BTNL3: variants seen among roughly 807,000 people sequenced by gnomAD.
BTNL3 encodes the protein butyrophilin-like protein 3.
BTNL3 carries 20 observed loss-of-function variants against 40.1 expected under a neutral mutation model. The ratio of observed to expected loss-of-function variants is 0.50; its 90% CI spans 0.35 to 0.72. BTNL3 has a LOEUF of 0.72. Among genes scored for constraint, BTNL3 ranks in the 30% least tolerant of loss-of-function variants. BTNL3 has a pLI of 0.01. For missense variants in BTNL3, 449 were observed against 582.2 expected, an observed-to-expected ratio of 0.77 and a Z score of 2.35; for synonymous variants, 179 against 222.1, an observed-to-expected ratio of 0.81 and a Z score of 1.73.
rs549703858 is a variant in BTNL3 at position 180,994,850 on chromosome 5, A to G, written c.397+1690A>G. Among the ~76,000 whole-genome samples the G allele has an allele frequency of 3.0e-5, 4 of 133,382 alleles. 2 individuals are homozygous for G. The East Asian group carries it at 8.7e-4, about 29-fold the overall frequency. The allele number at this position is 133,382 out of a possible 152,430, so 87.5% of individuals were successfully genotyped here. ...CAGGCTGGATAGAGTGCAGTGGTGCAATCTCGCTCACTGCAAGCTCTGCCT... is the reference window on the plus strand; with the variant it reads ...CAGGCTGGATAGAGTGCAGTGGTGCGATCTCGCTCACTGCAAGCTCTGCCT... On this transcript the variant is annotated intron_variant, in intron 2 of 7. Coordinates refer to ENST00000342868, the MANE Select transcript of BTNL3 (RefSeq NM_197975.3).
rs1391432493 is a variant in BTNL3, at chr5:180,997,197, C to G, written c.398-16C>G. On this transcript the variant is annotated splice_polypyrimidine_tract_variant and intron_variant, in intron 2 of 7. Transcript: ENST00000342868. ...AATTTGGTCTTTGCTTTCATCTTTC[C>G]CTGTTTTCTTCCCAGCACTGGGCTC... The G allele has an allele frequency of 6.8e-6, 10 of 1,463,368 alleles. 2 individuals carry two copies. In the South Asian group the frequency reaches 1.0e-4, roughly 15 times the overall value. 90.6% of individuals were successfully genotyped at this position (1,463,368 alleles called of 1,614,324 possible). A position where few individuals can be genotyped will look rare whatever the true frequency, so the allele number is the denominator to read the frequency against.
intron 1 of BTNL3, among the ~76,000 whole-genome samples, chr5:180,989,579 AG>A (rs1198995967): frequency 7.3e-6 from 1 of 136,598 alleles, no homozygotes; most frequent in East Asian, 2.2e-4. Context: ...TTAAGTGAGG[AG>A]TAAGTTGGAA....
In BTNL3 at chr5:180,993,468, T is replaced by TTTC. The variant is rs545032078; in HGVS notation, c.397+314_397+316dup. 1.5e-5 allele frequency among the ~76,000 whole-genome samples: 2 copies of TTTC among 136,844 alleles called. 1 individual carries two copies. The highest frequency in any genetic ancestry group is 4.3e-4 in the East Asian group (2 of 4,646). 89.8% of individuals were successfully genotyped at this position (136,844 alleles called of 152,430 possible). ...CCTGTCATATTTCAATTTCTTTTATTTTCTTCTTTTTTCTTGACTTCTTGT... is the reference window on the plus strand; with the variant it reads ...CCTGTCATATTTCAATTTCTTTTATTTTCTTCTTCTTTTTTCTTGACTTCTTGT... On this transcript the variant is annotated intron_variant, in intron 2 of 7. Transcript: ENST00000342868.
At chr5:181,004,609 G>A in intron 6 of BTNL3, 127 bp from the exon 7 acceptor site, 1 of 1,606,208 alleles carries the variant, frequency 6.2e-7, no homozygotes, top group Non-Finnish European at 8.5e-7. Flanking sequence ...AAGCCCCATA[G>A]CCTTCTTCAG....
Position 180,988,879 on chromosome 5 carries a change from G to A in BTNL3, c.-150G>A. The A allele has an allele frequency of 3.2e-6, 3 of 924,538 alleles. No individual in the cohort carries two copies. The highest frequency in any genetic ancestry group is 4.8e-6 in the Non-Finnish European group (3 of 625,824). 57.3% of individuals were successfully genotyped at this position (924,538 alleles called of 1,614,324 possible). ...CATTCATACAGCCATGTTTAGGGAG[G>A]CTCTAGGGAGAAATGCACAGTTTGA... On this transcript the variant is annotated 5_prime_UTR_variant, in exon 1 of 8. Coordinates refer to ENST00000342868, the MANE Select transcript of BTNL3 (RefSeq NM_197975.3).
In BTNL3 at chr5:181,002,561, G is replaced by T. The variant is rs1760141918; in HGVS notation, c.674-111G>T. On this transcript the variant is annotated intron_variant, in intron 3 of 7. Transcript: ENST00000342868. ...AATGCAAAGCTTTAAATCTGTGGAA[G>T]AAATGAGAGAAAAATGTTTTCATCT... is the stretch of plus-strand genomic sequence containing the variant. The T allele has an allele frequency of 1.0e-5, 10 of 988,590 alleles. 1 individual carries two copies. In the East Asian group the frequency reaches 3.7e-4, roughly 36 times the overall value. The allele number at this position is 988,590 out of a possible 1,614,324, so 61.2% of individuals were successfully genotyped here.
At chr5:181,002,089 T>G (rs1760121272) in intron 3 of BTNL3, among the ~76,000 whole-genome samples, 1 of 133,802 alleles carries the variant, frequency 7.5e-6, no homozygotes. Context: ...GCTAAGAAGC[T>G]TAGTCTTATC....
At position 181,005,930 on chromosome 5, in the gene BTNL3, A is replaced by G. The variant is rs964254175; in HGVS notation, c.*58A>G. On this transcript the variant is annotated 3_prime_UTR_variant, in exon 8 of 8. Transcript: ENST00000342868. ...CCACAGACCCAGACACAGCCAAGGG[A>G]GAGTGCTCCCGACAGGTGGCCCCAG... 2 of 1,498,554 alleles carry G rather than the reference A, an allele frequency of 1.3e-6. No homozygotes were observed. Among genetic ancestry groups the G allele is most frequent in the Non-Finnish European group, 1.8e-6 (2 of 1,123,270 alleles). 92.8% of individuals were successfully genotyped at this position (1,498,554 alleles called of 1,614,324 possible). A position where few individuals can be genotyped will look rare whatever the true frequency, so the allele number is the denominator to read the frequency against.
rs756709540 is a variant in BTNL3 at position 181,005,509 on chromosome 5, C to A, written c.1038C>A (p.Asp346Glu). ...FQAGKHYWEV[D>E]VGQNVGWYVG... ...CAGGGAAACATTACTGGGAGGTGGA[C>A]GTGGGACAAAATGTAGGGTGGTATG... is the stretch of plus-strand genomic sequence containing the variant. Residue 346 changes from aspartate (D) to glutamate (E), a missense_variant, in exon 8 of 8, where the codon GAC becomes GAA. Asp to Glu is a conservative substitution (Grantham distance 45, BLOSUM62 2). Around this residue, in one of 2 missense-constraint regions of BTNL3, gnomAD observed 323 missense variants for 464.9 expected, o/e 0.69. Coordinates refer to ENST00000342868, the MANE Select transcript of BTNL3 (RefSeq NM_197975.3). 1.2e-6 allele frequency: 2 copies of A among 1,613,960 alleles called. No individual in the cohort carries two copies. The highest frequency in any genetic ancestry group is 4.5e-5 in the East Asian group (2 of 44,866).
Position 180,992,872 on chromosome 5 carries a change from G to T in BTNL3, c.109G>T (p.Val37Leu). The T allele has an allele frequency of 6.8e-7, 1 of 1,463,070 alleles. No individual in the cohort carries two copies. The highest frequency in any genetic ancestry group is 1.8e-4 in the Middle Eastern group (1 of 5,674). 90.6% of individuals were successfully genotyped at this position (1,463,070 alleles called of 1,614,324 possible). Reference sequence around the variant, plus strand: ...CCAGGCCTTGGTGGGGGAGGACGCCGTGTTCTCCTGCTCCCTCTTTCCTGA... The same window carrying T: ...CCAGGCCTTGGTGGGGGAGGACGCCTTGTTCTCCTGCTCCCTCTTTCCTGA... The part of the protein sequence containing the change: ...FVQALVGEDA[V>L]FSCSLFPETS... The change falls in exon 2 of 8, where the codon GTG (valine) becomes TTG (leucine). Residue 37 changes from valine (V) to leucine (L), a missense_variant. Val to Leu is a conservative substitution (Grantham distance 32). Coordinates refer to ENST00000342868, the MANE Select transcript of BTNL3 (RefSeq NM_197975.3).
Position 181,005,560 on chromosome 5 carries a change from C to T in BTNL3, c.1089C>T (p.Asp363=). 6.2e-7 allele frequency: 1 copy of T among 1,613,954 alleles called. No individual in the cohort carries two copies. The highest frequency in any genetic ancestry group is 8.5e-7 in the Non-Finnish European group (1 of 1,179,982). ...WYVGVCRDDV[D]RGKNNVTLSP... is the part of the protein sequence containing the mutation. ...TGGGAGTGTGTCGGGATGACGTAGA[C>T]AGGGGGAAGAACAATGTGACTTTGT... The change falls in exon 8 of 8, where the codon GAC becomes GAT. Residue 363 remains aspartate (D), a synonymous_variant. Transcript: ENST00000342868.
Position 180,996,599 on chromosome 5 carries a change from A to G in BTNL3, c.398-614A>G, listed in dbSNP as rs1384323885. On this transcript the variant is annotated intron_variant, in intron 2 of 7. Transcript: ENST00000342868. ...TACTCTCTTATACATCATCTGGAAT[A>G]TAAATATTCATGAGTCCTTGAAATC... Among the ~76,000 whole-genome samples the G allele has an allele frequency of 2.2e-5, 3 of 136,764 alleles. 1 individual carries two copies. The highest frequency in any genetic ancestry group is 3.3e-5 in the Non-Finnish European group (2 of 59,752). 89.7% of individuals were successfully genotyped at this position (136,764 alleles called of 152,430 possible).
In BTNL3 at chr5:180,996,493, C is replaced by A. The variant is rs549852924; in HGVS notation, c.398-720C>A. On this transcript the variant is annotated intron_variant, in intron 2 of 7. Transcript: ENST00000342868. ...CTACAGTTCTTAAAGTGGCTGTGGG[C>A]AAGTCCACGTTGCTCAGGTCAGTGA... 4.4e-5 allele frequency among the ~76,000 whole-genome samples: 6 copies of A among 136,946 alleles called. 1 individual carries two copies. The highest frequency in any genetic ancestry group is 1.3e-4 in the African/African-American group (5 of 39,880). The allele number at this position is 136,946 out of a possible 152,430, so 89.8% of individuals were successfully genotyped here. A position where few individuals can be genotyped will look rare whatever the true frequency, so the allele number is the denominator to read the frequency against.
chr5:180,998,689 T>C (rs1331284356), intron 3 of BTNL3, among the ~76,000 whole-genome samples: 1 of 137,766 alleles, frequency 7.3e-6, no homozygotes, highest in East Asian at 2.1e-4. Flanking sequence ...TAAATTCTTA[T>C]GTGTTTGAAA....
Position 180,997,478 on chromosome 5 carries a change from A to G in BTNL3, c.663A>G (p.Val221=). The G allele has an allele frequency of 6.8e-7, 1 of 1,463,596 alleles. No individual in the cohort carries two copies. Among genetic ancestry groups the G allele is most frequent in the South Asian group, 1.1e-5 (1 of 89,268 alleles). The allele number at this position is 1,463,596 out of a possible 1,614,324, so 90.7% of individuals were successfully genotyped here. The change falls in exon 3 of 8, where the codon GTA becomes GTG. Residue 221 remains valine (V), a synonymous_variant. Transcript: ENST00000342868. ...AGAGTCATGAGGTGGAATCCAAGGTATTGATAGGAGGTGAGTGGGGAGAAG... is the reference window on the plus strand; with the variant it reads ...AGAGTCATGAGGTGGAATCCAAGGTGTTGATAGGAGGTGAGTGGGGAGAAG... ...AEQSHEVESK[V]LIGETFFQPS... is the part of the protein sequence containing the mutation.
At position 180,997,750 on chromosome 5, in the gene BTNL3, C is replaced by T. The variant is rs144623463; in HGVS notation, c.673+262C>T. Reference sequence around the variant, plus strand: ...ATGGTGCAACACTCACAACTCAACACGTAACAAAACTTAAGGAAATTAACT... The same window carrying T: ...ATGGTGCAACACTCACAACTCAACATGTAACAAAACTTAAGGAAATTAACT... On this transcript the variant is annotated intron_variant, in intron 3 of 7. Coordinates refer to ENST00000342868, the MANE Select transcript of BTNL3 (RefSeq NM_197975.3). Among the ~76,000 whole-genome samples, 215 of 137,374 alleles carry T rather than the reference C, an allele frequency of 1.6e-3. 41 individuals carry two copies. In the East Asian group the frequency reaches 0.043, roughly 27 times the overall value. 90.1% of individuals were successfully genotyped at this position (137,374 alleles called of 152,430 possible). A position where few individuals can be genotyped will look rare whatever the true frequency, so the allele number is the denominator to read the frequency against.
chr5:180,992,521 T>C (rs761730737), intron 1 of BTNL3, among the ~76,000 whole-genome samples: 1 of 136,650 alleles, frequency 7.3e-6, no homozygotes, highest in Non-Finnish European at 1.7e-5. Context: ...GGAAGGTGCC[T>C]CTCAGGCCCC....
rs183024921 is a variant in BTNL3 at position 181,000,807 on chromosome 5, C to T, written c.674-1865C>T. Among the ~76,000 whole-genome samples, 14 of 129,680 alleles carry T rather than the reference C, an allele frequency of 1.1e-4. 4 individuals are homozygous for T. The highest frequency in any genetic ancestry group is 7.4e-4 in the Admixed American group (9 of 12,088). The allele number at this position is 129,680 out of a possible 152,430, so 85.1% of individuals were successfully genotyped here. ...CGGCCTGGGCGACAGAGCGAGACTC[C>T]GTCTCAAAAAAAAATAAAATAAAAT... is the stretch of plus-strand genomic sequence containing the variant. On this transcript the variant is annotated intron_variant, in intron 3 of 7. Coordinates refer to ENST00000342868, the MANE Select transcript of BTNL3 (RefSeq NM_197975.3).
intron 1 of BTNL3, among the ~76,000 whole-genome samples, chr5:180,991,926 A>G (rs905324838): frequency 7.3e-6 from 1 of 137,426 alleles, no homozygotes; most frequent in Non-Finnish European, 1.7e-5. Context: ...AATGAATGAA[A>G]AAAAATCACA....
Sources: gnomAD v4.1 joint callset for allele counts (sites outside exome capture counted in the v4.1 genomes callset) on GRCh38, gnomAD v4.1.1 for gene constraint, gnomAD v4.1.1 regional missense constraint, MANE v1.5 for transcripts, NCBI Gene and HGNC (gene_info 2026-07-23, HGNC 2026-07-21) for gene names.